TUBB8B: variants seen among roughly 807,000 people sequenced by gnomAD.
TUBB8B encodes the protein tubulin beta 8B.
A neutral mutation model predicts 31.9 loss-of-function variants in TUBB8B; 26 were observed. The observed-to-expected ratio is 0.81, with a 90% CI of 0.60 to 1.13. The LOEUF is 1.13. Among genes scored for constraint, TUBB8B ranks in the 50% most tolerant of loss-of-function variants. TUBB8B has a pLI of 0.00. For synonymous variants in TUBB8B, 173 were observed against 231.0 expected, an observed-to-expected ratio of 0.75 and a Z score of 2.28; for missense variants, 467 against 586.7, an observed-to-expected ratio of 0.80 and a Z score of 2.11.
the TUBB8B span, among the ~76,000 whole-genome samples, chr18:72,538 ATTTG>A: frequency 6.6e-6 from 1 of 152,106 alleles, no homozygotes; most frequent in African/African-American, 2.4e-5. Flanking sequence ...TTTTGTTTTC[ATTTG>A]TTTGTGTTTT....
chr18:65,731 G>C, the TUBB8B span, among the ~76,000 whole-genome samples: 1 of 152,110 alleles, frequency 6.6e-6, no homozygotes, highest in Non-Finnish European at 1.5e-5. Context: ...GAAGTAAAGA[G>C]AACTTATATG....
upstream of TUBB8B, among the ~76,000 whole-genome samples, chr18:53,539 G>C (rs1906190378): frequency 6.6e-6 from 1 of 151,800 alleles, no homozygotes; most frequent in South Asian, 2.1e-4. Flanking sequence ...CACCATCTTG[G>C]TTCACTGAAA....
In TUBB8B at chr18:47,678, T is replaced by A. The variant is rs1244079907; in HGVS notation, c.1047A>T (p.Val349=). ...SYFADWFPDN[V]KTAVCDIPPR... ...GTGGGATGTCACAGACGGCTGTTTT[T>A]ACGTTGTCGGGGAACCAGTCAGCAA... is the stretch of plus-strand genomic sequence containing the variant. The change falls in exon 4 of 4, where the codon GTA becomes GTT. Residue 349 remains valine (V), a synonymous_variant. Transcript: ENST00000308911. 6.2e-7 allele frequency: 1 copy of A among 1,612,346 alleles called. No homozygotes were observed. The highest frequency in any genetic ancestry group is 1.3e-5 in the African/African-American group (1 of 75,038).
chr18:48,626 T>C (rs1459714015), intron 3 of TUBB8B, 179 bp from the exon 4 acceptor site: 1 of 685,100 alleles, frequency 1.5e-6, no homozygotes, highest in Non-Finnish European at 2.6e-6. Context: ...CTGTTAGAAA[T>C]TAAGACAGGA....
upstream of TUBB8B, among the ~76,000 whole-genome samples, chr18:54,588 A>G (rs1011267443): frequency 5.3e-5 from 8 of 151,714 alleles, no homozygotes; most frequent in Admixed American, 5.3e-4. Context: ...GACATCAATT[A>G]TTTCAAATTT....
chr18:59,964 A>G, the TUBB8B span, among the ~76,000 whole-genome samples: 4 of 151,656 alleles, frequency 2.6e-5, no homozygotes, highest in Non-Finnish European at 5.9e-5. Context: ...TGTTTAATTG[A>G]GTTTGCTAGG....
chr18:60,955 A>G, the TUBB8B span, among the ~76,000 whole-genome samples: 1 of 151,674 alleles, frequency 6.6e-6, no homozygotes, highest in African/African-American at 2.4e-5. Context: ...TTTTCTGTAA[A>G]TATCTATTAG....
upstream of TUBB8B, chr18:50,266 T>C (rs1906026869): frequency 5.4e-6 from 1 of 184,460 alleles, no homozygotes; most frequent in Non-Finnish European, 1.1e-5. Context: ...GGCTTTTAGA[T>C]TACCGAAACT....
Position 49,184 on chromosome 18 carries a change from G to T in TUBB8B, c.111C>A (p.His37Gln), listed in dbSNP as rs775578263. 2 of 1,542,064 alleles carry T rather than the reference G, an allele frequency of 1.3e-6. No homozygotes were observed. The highest frequency in any genetic ancestry group is 2.5e-5 in the East Asian group (1 of 40,440). Reference sequence around the variant, plus strand: ...GCTCCAGCTGCAGGTGGCTGTCCCCGTGGTAGGTGCCAGCGGAGTCGATGG... The same window carrying T: ...GCTCCAGCTGCAGGTGGCTGTCCCCTTGGTAGGTGCCAGCGGAGTCGATGG... ...EHAIDSAGTY[H>Q]GDSHLQLERI... Residue 37 changes from histidine to glutamine, a missense_variant, in exon 2 of 4, where the codon CAC (histidine) becomes CAA (glutamine). His to Gln is a conservative substitution (Grantham distance 24, BLOSUM62 0). This residue lies in a region of TUBB8B where 259 missense variants were observed against 380.1 expected (regional missense o/e 0.68). Transcript: ENST00000308911.
the TUBB8B span, among the ~76,000 whole-genome samples, chr18:58,016 C>T: frequency 6.6e-6 from 1 of 151,720 alleles, no homozygotes; most frequent in South Asian, 2.1e-4. Flanking sequence ...TAAGGCTACC[C>T]AAGGCAGCAG....
the TUBB8B span, among the ~76,000 whole-genome samples, chr18:66,734 A>G: frequency 6.6e-6 from 1 of 151,804 alleles, no homozygotes; most frequent in East Asian, 1.9e-4. Flanking sequence ...TTGTTTTGAC[A>G]CTATTTTGGC....
chr18:66,635 T>C, the TUBB8B span, among the ~76,000 whole-genome samples: 3 of 152,228 alleles, frequency 2.0e-5, no homozygotes, highest in Non-Finnish European at 4.4e-5. Context: ...TTTATTCAAA[T>C]GATTGTACCA....
upstream of TUBB8B, among the ~76,000 whole-genome samples, chr18:53,254 C>T (rs1398046180): frequency 3.3e-5 from 5 of 151,816 alleles, no homozygotes; most frequent in African/African-American, 1.2e-4. Context: ...AAGTCTACTC[C>T]TCAAGGAGAA....
chr18:51,976 GA>G (rs1304792222), upstream of TUBB8B, among the ~76,000 whole-genome samples: 1 of 151,358 alleles, frequency 6.6e-6, no homozygotes, highest in Non-Finnish European at 1.5e-5. Flanking sequence ...CAGGCAAGTA[GA>G]TGGGTTTATG....
the TUBB8B span, among the ~76,000 whole-genome samples, chr18:71,217 C>A: frequency 6.9e-6 from 1 of 144,038 alleles, no homozygotes; most frequent in Admixed American, 6.9e-5. Context: ...GGTGACAGAG[C>A]AAGACCTTCT....
upstream of TUBB8B, chr18:50,533 C>A (rs200189343): frequency 7.3e-6 from 1 of 137,392 alleles, no homozygotes; most frequent in African/African-American, 2.7e-5. Context: ...GTTTTAGTGT[C>A]TTGAAAAGAT....
intron 1 of TUBB8B, 128 bp from the exon 2 acceptor site, chr18:49,365 G>A (rs1284866308): frequency 3.4e-5 from 23 of 684,152 alleles, no homozygotes; most frequent in East Asian, 1.2e-4. Context: ...CAGCCGCCTC[G>A]CCAGCCACCC....
the TUBB8B span, among the ~76,000 whole-genome samples, chr18:60,565 C>A: frequency 2.0e-5 from 3 of 151,598 alleles, no homozygotes; most frequent in African/African-American, 4.8e-5. Context: ...TTATTTGCAG[C>A]TTTTCTGATT....
chr18:47,680 C>A lies in TUBB8B; in HGVS notation c.1045G>T (p.Val349Leu), dbSNP rs191210390. The A allele has an allele frequency of 6.2e-7, 1 of 1,610,506 alleles. No homozygotes were observed. Among genetic ancestry groups the A allele is most frequent in the Non-Finnish European group, 8.5e-7 (1 of 1,179,268 alleles). Residue 349 changes from valine (V) to leucine (L), a missense_variant, in exon 4 of 4, where the codon GTA becomes TTA. Transcript: ENST00000308911. ...SYFADWFPDNVKTAVCDIPPR... is the reference protein window; with the variant it reads ...SYFADWFPDNLKTAVCDIPPR... ...GGGATGTCACAGACGGCTGTTTTTA[C>A]GTTGTCGGGGAACCAGTCAGCAAAG...
Sources: allele counts gnomAD v4.1 joint callset (sites outside exome capture counted in the v4.1 genomes callset), GRCh38; gene constraint gnomAD v4.1.1; regional missense constraint gnomAD v4.1.1; transcripts MANE v1.5; gene names NCBI Gene and HGNC (gene_info 2026-07-23, HGNC 2026-07-21).